ANKFN1: variants seen among roughly 807,000 people sequenced by gnomAD.
ANKFN1 encodes ankyrin repeat and fibronectin type III domain containing 1.
In ANKFN1, 74 loss-of-function variants were observed where a neutral mutation model predicts 108.7. The observed-to-expected ratio is 0.68, with a 90% CI of 0.56 to 0.83. The LOEUF (loss-of-function observed/expected upper bound fraction) is 0.83, where lower values mean the gene tolerates loss of function less well. ANKFN1 is among the 40% of genes least tolerant of loss of function. ANKFN1 has a pLI of 0.00. For missense variants in ANKFN1, 1,505 were observed against 1,382.3 expected (o/e 1.09, Z -1.41); for synonymous variants, 547 against 516.2 (o/e 1.06, Z -0.81).
At chr17:56,463,720 GAGTGTT>G (rs2049987318) in intron 14 of ANKFN1, 1 of 152,216 alleles carries the variant, frequency 6.6e-6, no homozygotes, top group Non-Finnish European at 1.5e-5. Flanking sequence ...TTTTAGAAAT[GAGTGTT>G]AGTGAGTAAG....
chr17:56,160,235 T>C (rs1032775386), intron 1 of ANKFN1, among the ~76,000 whole-genome samples: 1 of 152,216 alleles, frequency 6.6e-6, no homozygotes, highest in Non-Finnish European at 1.5e-5. Flanking sequence ...GGATGATTGA[T>C]GGTAAACTTT....
Position 56,440,305 on chromosome 17 carries a change from C to T in ANKFN1, c.911-22C>T, listed in dbSNP as rs963427083. ...TTTATTCTCCCTCTTTCTCTCTCTC[C>T]CTGCCCCCCTACTCCCTCCAGTGGA... On this transcript the variant is annotated intron_variant, in intron 8 of 20. Transcript: ENST00000682825. 3 of 1,504,174 alleles carry T rather than the reference C, an allele frequency of 2.0e-6. No individual in the cohort carries two copies. In the African/African-American group the frequency reaches 4.1e-5, roughly 21 times the overall value. 93.2% of individuals were successfully genotyped at this position (1,504,174 alleles called of 1,614,324 possible).
intron 15 of ANKFN1, among the ~76,000 whole-genome samples, chr17:56,468,803 T>C (rs1174072171): frequency 6.6e-6 from 1 of 152,176 alleles, no homozygotes; most frequent in African/African-American, 2.4e-5. Flanking sequence ...TTTGGGTTCA[T>C]AGGGAATTGA....
chr17:56,224,449 A>G (rs1323838869), intron 2 of ANKFN1, among the ~76,000 whole-genome samples: 1 of 152,238 alleles, frequency 6.6e-6, no homozygotes, highest in African/African-American at 2.4e-5. Flanking sequence ...ATTGTGTATC[A>G]TAAAGAGGAA....
In ANKFN1 at chr17:56,499,066, C is replaced by T. The variant is rs1329143058; in HGVS notation, c.2612C>T (p.Ser871Phe). ...HIDCLPSPPPSPEMHRRKTVS... is the reference protein window; with the variant it reads ...HIDCLPSPPPFPEMHRRKTVS... ...GACTGTCTTCCATCCCCACCCCCAT[C>T]CCCAGAGATGCACAGAAGAAAGACA... Residue 871 changes from serine to phenylalanine, a missense_variant, in exon 20 of 21, where the codon TCC (serine) becomes TTC (phenylalanine). Ser to Phe is a radical substitution (Grantham distance 155). Coordinates refer to ENST00000682825, the MANE Select transcript of ANKFN1 (RefSeq NM_001370326.1). 1 of 1,535,606 alleles carries T rather than the reference C, an allele frequency of 6.5e-7. No individual in the cohort carries two copies. The highest frequency in any genetic ancestry group is 8.7e-7 in the Non-Finnish European group (1 of 1,146,576).
chr17:56,201,819 G>A (rs1914085294), intron 1 of ANKFN1, among the ~76,000 whole-genome samples: 1 of 152,128 alleles, frequency 6.6e-6, no homozygotes, highest in South Asian at 2.1e-4. Context: ...TATTTTCACA[G>A]GGGTAAAACC....
At chr17:56,203,503 T>G (rs1446842802) in intron 1 of ANKFN1, among the ~76,000 whole-genome samples, 2 of 152,224 alleles carry the variant, frequency 1.3e-5, no homozygotes, top group Admixed American at 1.3e-4. Flanking sequence ...CCCATCATAC[T>G]GTGTTCAGCT....
rs926837354 is a variant in ANKFN1 at position 56,510,547 on chromosome 17, G to A, written c.2719G>A (p.Asp907Asn). The A allele has an allele frequency of 9.3e-5, 143 of 1,536,058 alleles. No homozygotes were observed. The highest frequency in any genetic ancestry group is 5.5e-4 in the Admixed American group (28 of 50,984). ...CACCAACAGTGACTACGACTCCAGCGATGCCCTGAGCCCCAGAGACCTGGA... is the reference window on the plus strand; with the variant it reads ...CACCAACAGTGACTACGACTCCAGCAATGCCCTGAGCCCCAGAGACCTGGA... ...LPTNSDYDSSDALSPRDLDLV... is the reference protein window; with the variant it reads ...LPTNSDYDSSNALSPRDLDLV... Residue 907 changes from aspartate (D) to asparagine (N), a missense_variant, in exon 21 of 21, where the codon GAT (aspartate) becomes AAT (asparagine). Transcript: ENST00000682825.
intron 3 of ANKFN1, among the ~76,000 whole-genome samples, chr17:56,273,642 C>T (rs569971130): frequency 5.7e-4 from 86 of 151,752 alleles, no homozygotes; most frequent in African/African-American, 2.0e-3. Context: ...AAGAATATTA[C>T]TGAAAGGAAA....
chr17:56,422,729 C>T (rs1354912630), intron 8 of ANKFN1, among the ~76,000 whole-genome samples: 4 of 152,124 alleles, frequency 2.6e-5, no homozygotes, highest in Non-Finnish European at 5.9e-5. Flanking sequence ...GTGACCATTA[C>T]AATGCCCTGA....
intron 8 of ANKFN1, among the ~76,000 whole-genome samples, chr17:56,393,942 A>T (rs1197981310): frequency 6.6e-6 from 1 of 152,216 alleles, no homozygotes; most frequent in African/African-American, 2.4e-5. Context: ...CAGTCAACAA[A>T]TACTAAGTGT....
At chr17:56,261,919 G>T (rs1345450738) in intron 3 of ANKFN1, among the ~76,000 whole-genome samples, 1 of 152,088 alleles carries the variant, frequency 6.6e-6, no homozygotes, top group Non-Finnish European at 1.5e-5. Context: ...TCACAGACAT[G>T]TTGGGAATAT....
chr17:56,138,286 T>A (rs1907708562), intron 4 of ANKFN1, among the ~76,000 whole-genome samples: 1 of 152,126 alleles, frequency 6.6e-6, no homozygotes, highest in African/African-American at 2.4e-5. Context: ...AAAAAGTCCA[T>A]CCAGAAAATG....
At chr17:56,196,542 T>G (rs1913525577) in intron 1 of ANKFN1, among the ~76,000 whole-genome samples, 1 of 151,934 alleles carries the variant, frequency 6.6e-6, no homozygotes, top group Non-Finnish European at 1.5e-5. Context: ...TAGACCAGTC[T>G]GGGAAACATA....
chr17:56,220,851 GAA>G (rs1915824474), intron 2 of ANKFN1, among the ~76,000 whole-genome samples: 1 of 51,436 alleles, frequency 1.9e-5, no homozygotes, highest in Non-Finnish European at 3.0e-5. Context: ...AGGGAGGGAG[GAA>G]GGAAGGAAGG....
At chr17:56,281,662 C>T (rs571780447) in intron 3 of ANKFN1, among the ~76,000 whole-genome samples, 195 of 152,198 alleles carry the variant, frequency 1.3e-3, no homozygotes, top group African/African-American at 4.6e-3. Context: ...AAAAAGACAA[C>T]CCAATTTTTA....
chr17:56,308,133 T>A (rs1468711484), intron 3 of ANKFN1, among the ~76,000 whole-genome samples: 1 of 151,974 alleles, frequency 6.6e-6, no homozygotes, highest in East Asian at 1.9e-4. Flanking sequence ...ATATACCTAA[T>A]GTTAAATGAC....
chr17:56,304,343 A>G (rs1323440089), intron 3 of ANKFN1, among the ~76,000 whole-genome samples: 1 of 152,202 alleles, frequency 6.6e-6, no homozygotes, highest in East Asian at 1.9e-4. Context: ...GTTTATTGCT[A>G]GGTAATATTC....
At chr17:56,196,744 G>C (rs1913551312) in intron 1 of ANKFN1, among the ~76,000 whole-genome samples, 1 of 151,818 alleles carries the variant, frequency 6.6e-6, no homozygotes, top group African/African-American at 2.4e-5. Flanking sequence ...CTGTCACAAA[G>C]AAAAAAACAA....
Sources: allele counts gnomAD v4.1 joint callset (sites outside exome capture counted in the v4.1 genomes callset), GRCh38; gene constraint gnomAD v4.1.1; transcripts MANE v1.5; gene names NCBI Gene and HGNC (gene_info 2026-07-23, HGNC 2026-07-21).